FYB1: variants seen among roughly 807,000 people sequenced by gnomAD.
FYB1 encodes FYN binding protein 1.
FYB1 carries 41 observed loss-of-function variants against 94.1 expected under a neutral mutation model. The observed-to-expected ratio is 0.44, with a 90% CI of 0.34 to 0.57. The LOEUF is 0.57. FYB1 is among the 20% of genes least tolerant of loss of function. The probability of loss-of-function intolerance (pLI) is 0.02; values close to 1 mark genes in which losing one functional copy is unlikely to be tolerated. For synonymous variants in FYB1, 367 were observed against 353.2 expected, an observed-to-expected ratio of 1.04 and a Z score of -0.44; for missense variants, 1,050 against 976.8, an observed-to-expected ratio of 1.07 and a Z score of -1.00.
chr5:39,197,709 G>T (rs1204801117), intron 2 of FYB1, among the ~76,000 whole-genome samples: 2 of 152,344 alleles, frequency 1.3e-5, no homozygotes, highest in South Asian at 4.1e-4. Flanking sequence ...ACCTCTGCTT[G>T]GCTGAGTCAG....
intron 1 of FYB1, among the ~76,000 whole-genome samples, chr5:39,272,754 T>C (rs555564737): frequency 1.3e-5 from 2 of 151,892 alleles, no homozygotes; most frequent in Non-Finnish European, 2.9e-5. Flanking sequence ...GGACACAAAT[T>C]ACATGATAAA....
chr5:39,198,403 C>T (rs1329980931), intron 2 of FYB1, among the ~76,000 whole-genome samples: 2 of 152,138 alleles, frequency 1.3e-5, no homozygotes, highest in Non-Finnish European at 1.5e-5. Flanking sequence ...CATTAAACTG[C>T]TGTATCTAAT....
chr5:39,247,065 C>T (rs844337), intron 1 of FYB1, among the ~76,000 whole-genome samples: 38 of 93,184 alleles, frequency 4.1e-4, no homozygotes, highest in Non-Finnish European at 7.2e-4. Flanking sequence ...ACACAAAATG[C>T]GTGTTCATAT....
chr5:39,174,500 G>A (rs1341834554), intron 2 of FYB1, among the ~76,000 whole-genome samples: 1 of 152,110 alleles, frequency 6.6e-6, no homozygotes, highest in African/African-American at 2.4e-5. Context: ...TTTAACACAT[G>A]GAATAAGAAT....
At position 39,110,448 on chromosome 5, in the gene FYB1, C is replaced by A. The variant is rs571173975; in HGVS notation, c.2402-59G>T. ...AATACAGGTTGAAAAATCTTTAGTA[C>A]TTTTTTCAGGAAATCAAAACACAAG... On this transcript the variant is annotated intron_variant, in intron 16 of 18. Coordinates refer to ENST00000512982, the MANE Select transcript of FYB1 (RefSeq NM_001465.6). The A allele has an allele frequency of 4.3e-5, 48 of 1,116,002 alleles. No individual in the cohort carries two copies. In the East Asian group the frequency reaches 1.0e-3, roughly 24 times the overall value. The allele number at this position is 1,116,002 out of a possible 1,614,324, so 69.1% of individuals were successfully genotyped here.
intron 2 of FYB1, among the ~76,000 whole-genome samples, chr5:39,190,374 T>C (rs1261387850): frequency 6.6e-6 from 1 of 152,164 alleles, no homozygotes; most frequent in Non-Finnish European, 1.5e-5. Context: ...TGATGGAATG[T>C]TCCTTGCTAG....
At chr5:39,124,339 G>C in intron 12 of FYB1, 61 bp from the exon 13 acceptor site, 2 of 1,199,608 alleles carry the variant, frequency 1.7e-6, no homozygotes, top group Non-Finnish European at 2.3e-6. Flanking sequence ...AATTGATTCC[G>C]TTATATAGGA....
At chr5:39,147,548 CAA>C in intron 3 of FYB1, among the ~76,000 whole-genome samples, 1 of 151,008 alleles carries the variant, frequency 6.6e-6, no homozygotes, top group Non-Finnish European at 1.5e-5. Flanking sequence ...ACTTTATTTT[CAA>C]AGTTATTTAG....
rs1393136018 is a variant in FYB1 at position 39,141,115 on chromosome 5, T to A, written c.1319A>T (p.Asp440Val). 1 of 1,592,758 alleles carries A rather than the reference T, an allele frequency of 6.3e-7. No homozygotes were observed. The highest frequency in any genetic ancestry group is 8.6e-7 in the Non-Finnish European group (1 of 1,168,102). The change falls in exon 4 of 19, where the codon GAT becomes GTT. Residue 440 changes from aspartate (D) to valine (V), a missense_variant. Physicochemically the swap from Asp to Val is radical, Grantham distance 152. Coordinates refer to ENST00000512982, the MANE Select transcript of FYB1 (RefSeq NM_001465.6). Reference protein sequence around the residue: ...LKSPVNEDNQDGVTHSDGAGN... With the variant: ...LKSPVNEDNQVGVTHSDGAGN... ...TTTACCATCAGAGTGCGTGACACCA[T>A]CTTGATTGTCTTCATTGACAGGGCT...
At chr5:39,255,352 G>A (rs1177822315) in intron 1 of FYB1, among the ~76,000 whole-genome samples, 1 of 151,314 alleles carries the variant, frequency 6.6e-6, no homozygotes, top group African/African-American at 2.4e-5. Context: ...TAACACCAAC[G>A]TACTGCCACC....
At chr5:39,183,750 A>G (rs897658915) in intron 2 of FYB1, among the ~76,000 whole-genome samples, 36 of 152,246 alleles carry the variant, frequency 2.4e-4, no homozygotes, top group African/African-American at 8.4e-4. Flanking sequence ...GATTTGGGTT[A>G]AAATGTTTCT....
intron 1 of FYB1, among the ~76,000 whole-genome samples, chr5:39,227,227 G>A (rs889380831): frequency 6.6e-6 from 1 of 151,658 alleles, no homozygotes; most frequent in Admixed American, 6.6e-5. Flanking sequence ...AAAATCAAGT[G>A]TAATACATAA....
intron 1 of FYB1, among the ~76,000 whole-genome samples, chr5:39,261,337 GACACACACACACAC>G (rs57277521): frequency 1.1e-4 from 15 of 133,804 alleles, no homozygotes; most frequent in African/African-American, 2.5e-4. Context: ...TGTAGATTAA[GACACACACACACAC>G]ACACACACAC....
At chr5:39,235,625 G>A (rs1285651027) in intron 1 of FYB1, among the ~76,000 whole-genome samples, 1 of 151,218 alleles carries the variant, frequency 6.6e-6, no homozygotes, top group African/African-American at 2.4e-5. Context: ...ATATATAGGA[G>A]CTGCCATTTT....
At chr5:39,231,251 G>A (rs1352392038) in intron 1 of FYB1, among the ~76,000 whole-genome samples, 1 of 150,836 alleles carries the variant, frequency 6.6e-6, no homozygotes, top group Non-Finnish European at 1.5e-5. Flanking sequence ...GACAAGTCAT[G>A]TCCCCATTTC....
At chr5:39,166,437 TAAA>T (rs61298144) in intron 2 of FYB1, among the ~76,000 whole-genome samples, 38 of 139,010 alleles carry the variant, frequency 2.7e-4, no homozygotes, top group Non-Finnish European at 3.3e-4. Flanking sequence ...CTCCGTCTCA[TAAA>T]AAAAAAAAAA....
In FYB1 at chr5:39,217,637, C is replaced by T. The variant is rs138290892; in HGVS notation, c.-28+1806G>A. 8.1e-4 allele frequency among the ~76,000 whole-genome samples: 123 copies of T among 152,200 alleles called. 1 individual carries two copies. Among genetic ancestry groups the T allele is most frequent in the African/African-American group, 2.8e-3 (117 of 41,514 alleles). ...GTCATGGAACCATTTAGGAACTCACCCAAGGCCCACAGCTGGTGCGTGGCA... is the reference window on the plus strand; with the variant it reads ...GTCATGGAACCATTTAGGAACTCACTCAAGGCCCACAGCTGGTGCGTGGCA... On this transcript the variant is annotated intron_variant, in intron 1 of 18. Transcript: ENST00000512982.
chr5:39,159,242 C>T (rs951763468), intron 2 of FYB1, among the ~76,000 whole-genome samples: 4 of 152,078 alleles, frequency 2.6e-5, no homozygotes, highest in Non-Finnish European at 5.9e-5. Context: ...AGATTTTAGC[C>T]GTGGGCTGGC....
chr5:39,107,263 C>A lies in FYB1; in HGVS notation c.*180G>T. 2.4e-6 allele frequency: 1 copy of A among 409,908 alleles called. No individual in the cohort carries two copies. 25.4% of individuals were successfully genotyped at this position (409,908 alleles called of 1,614,324 possible). A position where few individuals can be genotyped will look rare whatever the true frequency, so the allele number is the denominator to read the frequency against. Reference sequence around the variant, plus strand: ...GTAGTCTTCTGAGTTAACAATTAAGCAGAGAGATTATTTTCTATGTTCAAA... The same window carrying A: ...GTAGTCTTCTGAGTTAACAATTAAGAAGAGAGATTATTTTCTATGTTCAAA... On this transcript the variant is annotated 3_prime_UTR_variant, in exon 19 of 19. Coordinates refer to ENST00000512982, the MANE Select transcript of FYB1 (RefSeq NM_001465.6).
Sources: gnomAD v4.1 joint callset for allele counts (sites outside exome capture counted in the v4.1 genomes callset) on GRCh38, gnomAD v4.1.1 for gene constraint, MANE v1.5 for transcripts, NCBI Gene and HGNC (gene_info 2026-07-23, HGNC 2026-07-21) for gene names.